TENM3: variants seen among roughly 807,000 people sequenced by gnomAD.
TENM3 encodes the protein teneurin-3.
Under a neutral mutation model 255.1 loss-of-function variants are expected in TENM3, and 63 were observed. That is an observed-to-expected ratio of 0.25 (90% CI 0.20 to 0.30). The LOEUF (loss-of-function observed/expected upper bound fraction) is 0.30. Among genes scored for constraint, TENM3 ranks in the 10% least tolerant of loss-of-function variants. The pLI is 1.00. For missense variants in TENM3, 2,929 were observed against 3,461.1 expected (o/e 0.85, Z 3.86); for synonymous variants, 1,306 against 1,322.3 (o/e 0.99, Z 0.27).
At position 182,688,203 on chromosome 4, in the gene TENM3, C is replaced by T. The variant is rs1048151545; in HGVS notation, c.2073C>T (p.Cys691=). 1 of 1,613,596 alleles carries T rather than the reference C, an allele frequency of 6.2e-7. No individual in the cohort carries two copies. The change falls in exon 12 of 28, where the codon TGC becomes TGT. Residue 691 remains cysteine (C), a synonymous_variant. Transcript: ENST00000511685. ...TGGACTGTGGCTCACACGGCGTTTG[C>T]ATGGGGGGGACGTGTCGCTGTGAAG... ...CSVDCGSHGV[C]MGGTCRCEEG... is the part of the protein sequence containing the mutation.
chr4:182,097,819 G>A, the TENM3 span, among the ~76,000 whole-genome samples: 1 of 152,080 alleles, frequency 6.6e-6, no homozygotes, highest in African/African-American at 2.4e-5. Context: ...CCAACTCATT[G>A]AATTAGGAAT....
the TENM3 span, among the ~76,000 whole-genome samples, chr4:181,898,452 T>G: frequency 6.6e-6 from 1 of 152,206 alleles, no homozygotes; most frequent in Non-Finnish European, 1.5e-5. Flanking sequence ...CCTCTGATTA[T>G]TAACATAAAG....
At chr4:182,533,503 C>T (rs1001017084) in intron 3 of TENM3, among the ~76,000 whole-genome samples, 2 of 149,004 alleles carry the variant, frequency 1.3e-5, no homozygotes, top group African/African-American at 5.0e-5. Context: ...CACACCACTG[C>T]ACTCCTGCCT....
At chr4:182,496,948 G>A (rs1237611032) in intron 3 of TENM3, among the ~76,000 whole-genome samples, 1 of 152,148 alleles carries the variant, frequency 6.6e-6, no homozygotes, top group East Asian at 1.9e-4. Flanking sequence ...CCAGAATAAC[G>A]TGAAAAATGT....
chr4:182,467,857 A>G (rs890564393), intron 3 of TENM3, among the ~76,000 whole-genome samples: 4 of 152,178 alleles, frequency 2.6e-5, no homozygotes, highest in Non-Finnish European at 2.9e-5. Flanking sequence ...TTAGGGGAGC[A>G]GGATAGAGGT....
intron 3 of TENM3, among the ~76,000 whole-genome samples, chr4:182,526,844 A>T (rs1739244095): frequency 6.6e-6 from 1 of 152,206 alleles, no homozygotes. Flanking sequence ...GAATTGTGTG[A>T]TGATAGTCCT....
the TENM3 span, among the ~76,000 whole-genome samples, chr4:181,945,349 A>G: frequency 6.6e-6 from 1 of 152,172 alleles, no homozygotes; most frequent in Non-Finnish European, 1.5e-5. Context: ...AGAACAGCAC[A>G]TAAGCAGGAG....
chr4:182,485,096 C>T (rs141194455), intron 3 of TENM3, among the ~76,000 whole-genome samples: 5 of 152,186 alleles, frequency 3.3e-5, no homozygotes, highest in African/African-American at 4.8e-5. Context: ...TACCATGTTC[C>T]TTGCAGGCAC....
the TENM3 span, among the ~76,000 whole-genome samples, chr4:181,448,545 A>T: frequency 3.3e-5 from 5 of 152,302 alleles, no homozygotes; most frequent in East Asian, 9.7e-4. Context: ...TTCATAAAAC[A>T]GGAAAGATAA....
chr4:182,477,298 T>A (rs1733767861), intron 3 of TENM3, among the ~76,000 whole-genome samples: 1 of 152,208 alleles, frequency 6.6e-6, no homozygotes, highest in Non-Finnish European at 1.5e-5. Flanking sequence ...CCTGGGTGAC[T>A]GTTTTCTGAG....
intron 24 of TENM3, among the ~76,000 whole-genome samples, chr4:182,780,114 A>T (rs1765046784): frequency 6.6e-6 from 1 of 152,070 alleles, no homozygotes; most frequent in Non-Finnish European, 1.5e-5. Flanking sequence ...GGTGTTTTAG[A>T]CATGAAGTCC....
intron 3 of TENM3, among the ~76,000 whole-genome samples, chr4:182,520,140 G>C (rs1266764030): frequency 6.6e-6 from 1 of 151,948 alleles, no homozygotes; most frequent in African/African-American, 2.4e-5. Context: ...GATACAGATA[G>C]GAAGGAAGAA....
rs559968008 is a variant in TENM3, at chr4:182,208,917, G to A, written c.-76+64163G>A. 1.5e-4 allele frequency among the ~76,000 whole-genome samples: 23 copies of A among 152,076 alleles called. No individual in the cohort carries two copies. In the South Asian group the frequency reaches 2.1e-3, roughly 14 times the overall value. The stretch of plus-strand genomic sequence containing the variant: ...AAATCCAGCTGTCACTTTCCATGAC[G>A]TCCTTCAATTCAGCCTTCACATTCA... On this transcript the variant is annotated intron_variant, in intron 1 of 2. Coordinates refer to the TENM3 transcript ENST00000512480.
chr4:182,531,909 G>C (rs533426978), intron 3 of TENM3, among the ~76,000 whole-genome samples: 1 of 152,204 alleles, frequency 6.6e-6, no homozygotes, highest in South Asian at 2.1e-4. Context: ...TCTGAGAATG[G>C]TGGGAACCTT....
the TENM3 span, among the ~76,000 whole-genome samples, chr4:181,497,029 G>T: frequency 6.6e-6 from 1 of 152,106 alleles, no homozygotes; most frequent in Admixed American, 6.5e-5. Context: ...AAATGTTACA[G>T]CCTGTAGACA....
At chr4:182,214,109 C>T (rs1007734008) in intron 1 of TENM3, among the ~76,000 whole-genome samples, 4 of 151,894 alleles carry the variant, frequency 2.6e-5, no homozygotes, top group Non-Finnish European at 5.9e-5. Flanking sequence ...GCCAGAAATG[C>T]AGCTTTTCTT....
chr4:182,031,611 G>A, the TENM3 span, among the ~76,000 whole-genome samples: 1 of 152,156 alleles, frequency 6.6e-6, no homozygotes, highest in African/African-American at 2.4e-5. Flanking sequence ...AGTTTGATTG[G>A]AATAGTATTG....
At chr4:182,420,861 T>C (rs1310585407) in intron 3 of TENM3, among the ~76,000 whole-genome samples, 1 of 152,196 alleles carries the variant, frequency 6.6e-6, no homozygotes, top group African/African-American at 2.4e-5. Context: ...CATATCTCCA[T>C]GTGGAAAGAT....
chr4:182,265,082 C>A (rs887443927), intron 1 of TENM3, among the ~76,000 whole-genome samples: 2 of 152,112 alleles, frequency 1.3e-5, no homozygotes, highest in Admixed American at 6.5e-5. Context: ...TGGGAAAAAA[C>A]CTCTGTTTTC....
Sources: allele counts gnomAD v4.1 joint callset (sites outside exome capture counted in the v4.1 genomes callset), GRCh38; gene constraint gnomAD v4.1.1; transcripts MANE v1.5; gene names NCBI Gene and HGNC (gene_info 2026-07-23, HGNC 2026-07-21).